TLN1: variants seen among roughly 807,000 people sequenced by gnomAD.
TLN1 encodes talin 1.
In TLN1, 56 loss-of-function variants were observed where a neutral mutation model predicts 292.3. That is an observed-to-expected ratio of 0.19 (90% CI 0.15 to 0.24). The LOEUF (loss-of-function observed/expected upper bound fraction) is 0.24. Ranked by LOEUF, TLN1 falls within the 10% of genes least tolerant of loss-of-function variation. The pLI is 1.00. For missense variants in TLN1, 2,433 were observed against 3,248.2 expected, an observed-to-expected ratio of 0.75 and a Z score of 6.10; for synonymous variants, 1,119 against 1,253.7, an observed-to-expected ratio of 0.89 and a Z score of 2.27.
chr9:35,719,688 C>G lies in TLN1; in HGVS notation c.1578+52G>C. Reference sequence around the variant, plus strand: ...TGGTTTGGTTCACCTCATCCCTATCCCTTGGAGTCTCAGCTTCAGTACCAC... The same window carrying G: ...TGGTTTGGTTCACCTCATCCCTATCGCTTGGAGTCTCAGCTTCAGTACCAC... On this transcript the variant is annotated intron_variant, in intron 14 of 56. Transcript: ENST00000314888. This position sits in a 1 kb window ranked among gnomAD's most constrained non-coding sequence, Gnocchi z 4.6. 5 of 1,611,506 alleles carry G rather than the reference C, an allele frequency of 3.1e-6. No individual in the cohort carries two copies. Among genetic ancestry groups the G allele is most frequent in the Non-Finnish European group, 4.2e-6 (5 of 1,177,766 alleles).
intron 28 of TLN1, 99 bp downstream of exon 28, chr9:35,711,906 G>A (rs879238770): frequency 1.3e-6 from 2 of 1,593,202 alleles, no homozygotes; most frequent in South Asian, 2.3e-5. Context: ...AAAGGGGACA[G>A]ATCTGGGAAG....
At chr9:35,725,458 G>A (rs1825959817) in intron 2 of TLN1, 107 bp downstream of exon 2, 3 of 1,542,986 alleles carry the variant, frequency 1.9e-6, no homozygotes, top group African/African-American at 1.4e-5. Flanking sequence ...CAGACCTGAG[G>A]GGTGAGTAGT....
chr9:35,701,595 T>C (rs1270511880), intron 48 of TLN1, among the ~76,000 whole-genome samples: 2 of 152,222 alleles, frequency 1.3e-5, no homozygotes, highest in Admixed American at 6.5e-5. Flanking sequence ...TTTAAAAACA[T>C]AATTTTAGCT....
chr9:35,711,199 C>A (rs1825661857), intron 30 of TLN1, 56 bp downstream of exon 30: 1 of 1,611,342 alleles, frequency 6.2e-7, no homozygotes, highest in Non-Finnish European at 8.5e-7. Flanking sequence ...CATGAACTGC[C>A]TGCTCCCCAG....
chr9:35,713,152 C>T, intron 26 of TLN1, 44 bp downstream of exon 26: 1 of 1,579,674 alleles, frequency 6.3e-7, no homozygotes, highest in Non-Finnish European at 8.7e-7. Flanking sequence ...CATTTTCCTA[C>T]CTCCCTCACA....
intron 11 of TLN1, 52 bp from the exon 12 acceptor site, chr9:35,720,561 T>A: frequency 6.4e-7 from 1 of 1,564,950 alleles, no homozygotes; most frequent in Non-Finnish European, 8.8e-7. Flanking sequence ...AAGAGGGAAG[T>A]GGAGAAAAGG....
At chr9:35,725,756 A>C in intron 1 of TLN1, 29 bp from the exon 2 acceptor site, 1 of 1,592,270 alleles carries the variant, frequency 6.3e-7, no homozygotes, top group Non-Finnish European at 8.6e-7. Flanking sequence ...GCATTAGAAT[A>C]CACTCTTCTG....
intron 1 of TLN1, 146 bp downstream of exon 1, chr9:35,731,929 C>T (rs1466974718): frequency 6.6e-6 from 1 of 152,458 alleles, no homozygotes. Flanking sequence ...TACTTCACGC[C>T]GAGCTCAAGC....
In TLN1 at chr9:35,717,158, T is replaced by A; in HGVS notation, c.2446A>T (p.Met816Leu). 6.3e-7 allele frequency: 1 copy of A among 1,599,184 alleles called. No homozygotes were observed. Among genetic ancestry groups the A allele is most frequent in the Non-Finnish European group, 8.6e-7 (1 of 1,167,536 alleles). ...LTVTENIFSS[M>L]GDAGEMVRQA... ...GTGCGTGTCTTACCAGCATCACCCA[T>A]GGAGCTAAAGATGTTCTCAGTGACG... is the stretch of plus-strand genomic sequence containing the variant. The change falls in exon 19 of 57, where the codon ATG becomes TTG. Residue 816 changes from methionine (M) to leucine (L), a missense_variant. Coordinates refer to ENST00000314888, the MANE Select transcript of TLN1 (RefSeq NM_006289.4). The surrounding 1 kb of genome is among the most constrained non-coding windows in gnomAD (Gnocchi z 4.7).
At position 35,713,290 on chromosome 9, in the gene TLN1, C is replaced by T; in HGVS notation, c.3258G>A (p.Lys1086=). ...LKPLPGETME[K]CTQDLGNSTK... is the part of the protein sequence containing the mutation. ...TGCTGTTGCCCAGGTCCTGGGTACA[C>T]TTCTCCATCTAAGGATGAAGGGGGA... is the stretch of plus-strand genomic sequence containing the variant. Residue 1086 remains lysine, a synonymous_variant, in exon 26 of 57, where the codon AAG becomes AAA. Transcript: ENST00000314888. The T allele has an allele frequency of 5.0e-6, 8 of 1,589,022 alleles. No individual in the cohort carries two copies. Among genetic ancestry groups the T allele is most frequent in the Non-Finnish European group, 5.2e-6 (6 of 1,159,250 alleles).
intron 27 of TLN1, among the ~76,000 whole-genome samples, chr9:35,712,434 A>G (rs573288712): frequency 1.3e-5 from 2 of 152,302 alleles, no homozygotes; most frequent in South Asian, 2.1e-4. Flanking sequence ...TCACGAGGTC[A>G]AGAGATCGAG....
Position 35,725,316 on chromosome 9 carries a change from C to A in TLN1, c.136G>T (p.Asp46Tyr). ...TCATCTGACAGAAAGAGCCCAAAGT[C>A]GCTGGCTAAAAGAGAGGATGGATCA... ...IPEAPAGPPS[D>Y]FGLFLSDDDP... The change falls in exon 3 of 57, where the codon GAC (aspartate) becomes TAC (tyrosine). Residue 46 changes from aspartate (D) to tyrosine (Y), a missense_variant. Physicochemically the swap from Asp to Tyr is radical, Grantham distance 160. Around this residue, in one of 7 missense-constraint regions of TLN1, gnomAD observed 155 missense variants for 287.9 expected, o/e 0.54. Coordinates refer to ENST00000314888, the MANE Select transcript of TLN1 (RefSeq NM_006289.4). 1.2e-6 allele frequency: 2 copies of A among 1,614,060 alleles called. No individual in the cohort carries two copies. The highest frequency in any genetic ancestry group is 2.2e-5 in the South Asian group (2 of 91,046).
Position 35,724,955 on chromosome 9 carries a change from G to A in TLN1, c.233C>T (p.Thr78Ile), listed in dbSNP as rs753744411. ...LDYYMLRNGD[T>I]MEYRKKQRPL... Reference sequence around the variant, plus strand: ...TCTCTGTTTCTTCCTGTACTCCATAGTGTCCTGTTAGGGCAGGAAGAAGAG... The same window carrying A: ...TCTCTGTTTCTTCCTGTACTCCATAATGTCCTGTTAGGGCAGGAAGAAGAG... The change falls in exon 4 of 57, where the codon ACT becomes ATT. Residue 78 changes from threonine to isoleucine, a missense_variant. Physicochemically the swap from Thr to Ile is moderately conservative, Grantham distance 89. Around this residue, in one of 7 missense-constraint regions of TLN1, gnomAD observed 155 missense variants for 287.9 expected, o/e 0.54. Transcript: ENST00000314888. This position sits in a 1 kb window ranked among gnomAD's most constrained non-coding sequence, Gnocchi z 4.7. 9 of 1,614,006 alleles carry A rather than the reference G, an allele frequency of 5.6e-6. No individual in the cohort carries two copies. The highest frequency in any genetic ancestry group is 1.3e-5 in the African/African-American group (1 of 74,906).
chr9:35,704,830 A>T lies in TLN1; in HGVS notation c.5734-15T>A. On this transcript the variant is annotated splice_polypyrimidine_tract_variant and intron_variant, in intron 43 of 56. Transcript: ENST00000314888. The surrounding 1 kb of genome is among the most constrained non-coding windows in gnomAD (Gnocchi z 6.9). ...TGGGAACCTATCTGTGAGCCAAGGG[A>T]AAGACAGATGGATTTTACAAGGGGC... 1 of 1,609,796 alleles carries T rather than the reference A, an allele frequency of 6.2e-7. No individual in the cohort carries two copies. Among genetic ancestry groups the T allele is most frequent in the South Asian group, 1.1e-5 (1 of 90,976 alleles).
Position 35,717,594 on chromosome 9 carries a change from G to C in TLN1, c.2163+25C>G, listed in dbSNP as rs762634344. 6 of 1,599,292 alleles carry C rather than the reference G, an allele frequency of 3.8e-6. No individual in the cohort carries two copies. The South Asian group carries it at 5.5e-5, about 15-fold the overall frequency. On this transcript the variant is annotated intron_variant, in intron 18 of 56. Coordinates refer to ENST00000314888, the MANE Select transcript of TLN1 (RefSeq NM_006289.4). The surrounding 1 kb of genome is among the most constrained non-coding windows in gnomAD (Gnocchi z 4.7). ...TGTGGTAGTATTACCCCTCAGCACG[G>C]ACTAGAGCAACCTTTGGGGCTCACC...
At chr9:35,716,616 G>A in intron 19 of TLN1, 60 bp from the exon 20 acceptor site, 1 of 1,574,212 alleles carries the variant, frequency 6.4e-7, no homozygotes, top group Non-Finnish European at 8.6e-7. Context: ...TCAGGGGTGG[G>A]GACAAAGGTG....
rs747529541 is a variant in TLN1 at position 35,723,935 on chromosome 9, G to A, written c.782+17C>T. On this transcript the variant is annotated intron_variant, in intron 7 of 56. Coordinates refer to ENST00000314888, the MANE Select transcript of TLN1 (RefSeq NM_006289.4). ...GAGTCCTGGGCCCTGACAGGGTATAGGATGTGGGTCACTCACTCAAGGAAG... is the reference window on the plus strand; with the variant it reads ...GAGTCCTGGGCCCTGACAGGGTATAAGATGTGGGTCACTCACTCAAGGAAG... The A allele has an allele frequency of 3.1e-6, 5 of 1,613,874 alleles. No individual in the cohort carries two copies. In the Admixed American group the frequency reaches 8.3e-5, roughly 27 times the overall value.
chr9:35,713,418 T>A, intron 25 of TLN1, 120 bp from the exon 26 acceptor site: 3 of 736,442 alleles, frequency 4.1e-6, no homozygotes, highest in Non-Finnish European at 6.6e-6. Flanking sequence ...GTGCGATGGC[T>A]CCCACCTATA....
At chr9:35,729,263 C>T (rs1025762007) in intron 1 of TLN1, among the ~76,000 whole-genome samples, 6 of 152,240 alleles carry the variant, frequency 3.9e-5, no homozygotes, top group Admixed American at 2.6e-4. Flanking sequence ...TTCTCCACTA[C>T]GCCAGCCAGC....
Sources: allele counts gnomAD v4.1 joint callset (sites outside exome capture counted in the v4.1 genomes callset), GRCh38; gene constraint gnomAD v4.1.1; regional missense constraint gnomAD v4.1.1; non-coding constraint Gnocchi (gnomAD v3.1); transcripts MANE v1.5; gene names NCBI Gene and HGNC (gene_info 2026-07-23, HGNC 2026-07-21).